Variants in CUL3 observed in about 807,000 individuals in gnomAD.
The protein encoded by CUL3 is cullin-3.
A neutral mutation model predicts 89.1 loss-of-function variants in CUL3; 19 were observed. The ratio of observed to expected loss-of-function variants is 0.21; its 90% CI spans 0.15 to 0.31. The LOEUF (loss-of-function observed/expected upper bound fraction) is 0.31. Ranked by LOEUF, CUL3 falls within the 10% of genes least tolerant of loss-of-function variation. The pLI is 1.00. For synonymous variants in CUL3, 351 were observed against 308.4 expected (o/e 1.14, Z -1.45); for missense variants, 469 against 942.3 (o/e 0.50, Z 6.58).
intron 3 of CUL3, among the ~76,000 whole-genome samples, chr2:224,531,572 C>A (rs13023842): frequency 1.3e-5 from 2 of 151,878 alleles, no homozygotes; most frequent in Non-Finnish European, 2.9e-5. Context: ...ATACACTCCA[C>A]TGGGCAAACT....
chr2:224,497,903 A>T, intron 11 of CUL3, 54 bp from the exon 12 acceptor site: 1 of 1,311,642 alleles, frequency 7.6e-7, no homozygotes, highest in Admixed American at 1.7e-5. Context: ...CACATTTGAA[A>T]TTACAAACTA....
chr2:224,519,259 G>T (rs537998585), intron 3 of CUL3, among the ~76,000 whole-genome samples: 1 of 152,126 alleles, frequency 6.6e-6, no homozygotes, highest in Non-Finnish European at 1.5e-5. Context: ...AAACATAAAT[G>T]AATTTTATGT....
chr2:224,526,430 C>T (rs1388613043), intron 3 of CUL3, among the ~76,000 whole-genome samples: 1 of 151,298 alleles, frequency 6.6e-6, no homozygotes, highest in Non-Finnish European at 1.5e-5. Flanking sequence ...AAGAAAAATA[C>T]AAAAAATTAG....
At chr2:224,559,702 T>C (rs968719922) in intron 1 of CUL3, among the ~76,000 whole-genome samples, 9 of 152,160 alleles carry the variant, frequency 5.9e-5, no homozygotes, top group Admixed American at 1.3e-4. Context: ...GACTTCTATA[T>C]TGCCAAAATC....
intron 2 of CUL3, among the ~76,000 whole-genome samples, chr2:224,540,254 C>CACCTTGTT (rs1352217355): frequency 7.4e-4 from 112 of 152,050 alleles, no homozygotes; most frequent in Middle Eastern, 6.8e-3. Flanking sequence ...ACAACGGTTT[C>CACCTTGTT]ACCTTGTTAG....
intron 1 of CUL3, among the ~76,000 whole-genome samples, chr2:224,582,843 A>G (rs982417523): frequency 1.3e-5 from 2 of 152,234 alleles, no homozygotes; most frequent in Non-Finnish European, 2.9e-5. Context: ...TGCCTGGCAC[A>G]TAATATTCAG....
rs181626188 is a variant in CUL3 at position 224,473,893 on chromosome 2, T to C, written c.*352A>G. 2.6e-5 allele frequency: 6 copies of C among 226,650 alleles called. No individual in the cohort carries two copies. The highest frequency in any genetic ancestry group is 4.4e-5 in the Non-Finnish European group (5 of 113,632). The allele number at this position is 226,650 out of a possible 1,614,324, so 14.0% of individuals were successfully genotyped here. A position where few individuals can be genotyped will look rare whatever the true frequency, so the allele number is the denominator to read the frequency against. ...CTACAAAACACATTTACATCAACAC[T>C]GAAGACCTGGGGAAATGAAATCCAA... is the stretch of plus-strand genomic sequence containing the variant. On this transcript the variant is annotated 3_prime_UTR_variant, in exon 16 of 16. Transcript: ENST00000264414.
chr2:224,553,498 G>A (rs1036794562), intron 2 of CUL3, among the ~76,000 whole-genome samples: 4 of 152,050 alleles, frequency 2.6e-5, no homozygotes, highest in Admixed American at 1.3e-4. Context: ...ATGTTTTGGG[G>A]GAATATATTA....
intron 2 of CUL3, among the ~76,000 whole-genome samples, chr2:224,541,260 T>C (rs529870574): frequency 2.0e-5 from 3 of 147,668 alleles, no homozygotes; most frequent in Non-Finnish European, 1.5e-5. Context: ...TGACAGCAAA[T>C]AATTTAAAAA....
intron 1 of CUL3, chr2:224,563,393 G>C (rs1352257625): frequency 2.6e-6 from 1 of 378,906 alleles, no homozygotes; most frequent in East Asian, 8.1e-5. Flanking sequence ...TAAAACTTAA[G>C]AGGGATTCCA....
chr2:224,486,183 C>T (rs1691714088), intron 13 of CUL3, among the ~76,000 whole-genome samples: 1 of 152,162 alleles, frequency 6.6e-6, no homozygotes, highest in Admixed American at 6.5e-5. Flanking sequence ...GATGAAAATT[C>T]CAAAAACTAG....
chr2:224,569,107 G>A (rs772995266), intron 1 of CUL3, among the ~76,000 whole-genome samples: 4 of 152,246 alleles, frequency 2.6e-5, no homozygotes, highest in African/African-American at 4.8e-5. Context: ...TTTTTTAAAA[G>A]AGAAGTAACA....
intron 14 of CUL3, among the ~76,000 whole-genome samples, chr2:224,481,114 AAAT>A (rs1691524183): frequency 4.6e-5 from 7 of 152,144 alleles, no homozygotes. Context: ...TATACAATAT[AAAT>A]AACATTTTTT....
intron 3 of CUL3, among the ~76,000 whole-genome samples, chr2:224,525,554 T>C (rs943677133): frequency 6.6e-6 from 1 of 152,166 alleles, no homozygotes; most frequent in Non-Finnish European, 1.5e-5. Flanking sequence ...AGAAACACAA[T>C]AAATTTTTTT....
intron 1 of CUL3, among the ~76,000 whole-genome samples, chr2:224,582,095 G>C (rs1163948623): frequency 1.3e-5 from 2 of 151,968 alleles, no homozygotes; most frequent in African/African-American, 4.8e-5. Context: ...TTCCCAAGTA[G>C]CTAGGTTTAC....
chr2:224,484,142 G>C (rs1337277425), intron 13 of CUL3, among the ~76,000 whole-genome samples: 1 of 152,004 alleles, frequency 6.6e-6, no homozygotes, highest in Non-Finnish European at 1.5e-5. Flanking sequence ...CTGCACTCCA[G>C]TCTGGGCAAG....
At chr2:224,523,041 G>A (rs1693327569) in intron 3 of CUL3, among the ~76,000 whole-genome samples, 1 of 151,802 alleles carries the variant, frequency 6.6e-6, no homozygotes, top group East Asian at 1.9e-4. Flanking sequence ...GAGGTCAGAG[G>A]GAAAAAAAAC....
At chr2:224,581,585 C>G (rs934820642) in intron 1 of CUL3, among the ~76,000 whole-genome samples, 1 of 151,070 alleles carries the variant, frequency 6.6e-6, no homozygotes, top group Non-Finnish European at 1.5e-5. Flanking sequence ...TCACTGCAAC[C>G]TCTGCCTCCC....
intron 3 of CUL3, among the ~76,000 whole-genome samples, chr2:224,535,000 CAAAATAAATAAA>C (rs1455294271): frequency 2.6e-5 from 3 of 116,984 alleles, no homozygotes; most frequent in Non-Finnish European, 5.4e-5. Context: ...GACCCCGTCT[CAAAATAAATAAA>C]TAAATAAATA....
Sources: allele counts gnomAD v4.1 joint callset (sites outside exome capture counted in the v4.1 genomes callset), GRCh38; gene constraint gnomAD v4.1.1; transcripts MANE v1.5; gene names NCBI Gene and HGNC (gene_info 2026-07-23, HGNC 2026-07-21).